NAALADL2: variants seen among roughly 807,000 people sequenced by gnomAD.
NAALADL2 encodes the protein inactive N-acetylated-alpha-linked acidic dipeptidase-like protein 2.
A neutral mutation model predicts 87.2 loss-of-function variants in NAALADL2; 76 were observed. The ratio of observed to expected loss-of-function variants is 0.87; its 90% CI spans 0.72 to 1.05. NAALADL2 has a LOEUF of 1.05. NAALADL2 is among the 50% of genes least tolerant of loss of function. NAALADL2 has a pLI of 0.00. For missense variants in NAALADL2, 1,089 were observed against 945.8 expected (o/e 1.15, Z -1.99); for synonymous variants, 354 against 331.0 (o/e 1.07, Z -0.75).
chr3:174,752,113 G>T (rs1336432760), intron 3 of NAALADL2, among the ~76,000 whole-genome samples: 2 of 151,956 alleles, frequency 1.3e-5, no homozygotes, highest in South Asian at 2.1e-4. Context: ...GAGTAGCTGG[G>T]ACTATAGGCG....
At chr3:175,038,168 G>T (rs937731861) in intron 1 of NAALADL2, among the ~76,000 whole-genome samples, 4 of 151,916 alleles carry the variant, frequency 2.6e-5, no homozygotes, top group African/African-American at 9.7e-5. Flanking sequence ...GAAGTGGAAG[G>T]CTTAACATTT....
chr3:174,685,562 T>C (rs964716190), intron 2 of NAALADL2, among the ~76,000 whole-genome samples: 4 of 152,150 alleles, frequency 2.6e-5, no homozygotes, highest in Non-Finnish European at 4.4e-5. Flanking sequence ...GAACACCTAA[T>C]CTGAGGGTTT....
At chr3:174,804,038 G>A (rs142497587) in intron 3 of NAALADL2, among the ~76,000 whole-genome samples, 175 of 152,200 alleles carry the variant, frequency 1.1e-3, no homozygotes, top group African/African-American at 4.0e-3. Flanking sequence ...GGATAGCATT[G>A]AGTCTATAAA....
chr3:175,262,829 TATG>T (rs1751292492), intron 4 of NAALADL2, among the ~76,000 whole-genome samples: 1 of 151,972 alleles, frequency 6.6e-6, no homozygotes, highest in Non-Finnish European at 1.5e-5. Context: ...TGTTTTTACA[TATG>T]ATCTGTATAG....
chr3:174,884,985 A>G (rs1481372003), intron 1 of NAALADL2, among the ~76,000 whole-genome samples: 3 of 152,086 alleles, frequency 2.0e-5, no homozygotes, highest in African/African-American at 7.2e-5. Flanking sequence ...CACAGTGTTT[A>G]TCTCCTCAGT....
At chr3:175,346,767 C>G (rs557675112) in intron 5 of NAALADL2, among the ~76,000 whole-genome samples, 3 of 152,182 alleles carry the variant, frequency 2.0e-5, no homozygotes, top group Non-Finnish European at 4.4e-5. Flanking sequence ...GGTTAAACGA[C>G]TTGCTGGAGC....
At chr3:175,695,651 A>G (rs1247411668) in intron 11 of NAALADL2, among the ~76,000 whole-genome samples, 1 of 152,140 alleles carries the variant, frequency 6.6e-6, no homozygotes, top group African/African-American at 2.4e-5. Flanking sequence ...CATCCTTTTC[A>G]GATAACAGTA....
intron 2 of NAALADL2, among the ~76,000 whole-genome samples, chr3:174,611,030 T>C (rs1446505653): frequency 6.6e-6 from 1 of 151,726 alleles, no homozygotes; most frequent in Non-Finnish European, 1.5e-5. Flanking sequence ...ATGGATGAAA[T>C]TGGAAATCAT....
chr3:175,471,500 AG>A, intron 8 of NAALADL2, 138 bp from the exon 9 acceptor site: 1 of 518,462 alleles, frequency 1.9e-6, no homozygotes. Context: ...AAAGAAAGAA[AG>A]AAAAAAAAAA....
chr3:174,858,485 C>T (rs956525145), upstream of NAALADL2, among the ~76,000 whole-genome samples: 2 of 151,966 alleles, frequency 1.3e-5, no homozygotes, highest in Non-Finnish European at 2.9e-5. Flanking sequence ...TGCTTCTATT[C>T]AAAAGGCAAT....
At chr3:175,337,015 C>G (rs966648954) in intron 5 of NAALADL2, among the ~76,000 whole-genome samples, 1 of 151,822 alleles carries the variant, frequency 6.6e-6, no homozygotes, top group Non-Finnish European at 1.5e-5. Context: ...TAGAATACAT[C>G]TCATTGAAAT....
chr3:174,856,142 A>G (rs1725845138), upstream of NAALADL2, among the ~76,000 whole-genome samples: 1 of 151,920 alleles, frequency 6.6e-6, no homozygotes, highest in Non-Finnish European at 1.5e-5. Context: ...GAGTAGGTGT[A>G]CTACAGGCAC....
chr3:175,326,889 C>G (rs1414346112), intron 5 of NAALADL2, among the ~76,000 whole-genome samples: 3 of 152,098 alleles, frequency 2.0e-5, no homozygotes, highest in African/African-American at 7.2e-5. Context: ...GATCAAGTTT[C>G]CAACACATGA....
intron 2 of NAALADL2, among the ~76,000 whole-genome samples, chr3:175,187,754 C>A (rs1461742989): frequency 6.7e-6 from 1 of 148,396 alleles, no homozygotes; most frequent in Non-Finnish European, 1.5e-5. Context: ...AATATGGAAC[C>A]ACTCAGAAAG....
At chr3:174,640,586 A>G (rs1418078854) in intron 2 of NAALADL2, among the ~76,000 whole-genome samples, 1 of 152,182 alleles carries the variant, frequency 6.6e-6, no homozygotes, top group African/African-American at 2.4e-5. Flanking sequence ...CCAAGCCGGT[A>G]AGGTACTTGC....
At chr3:174,637,329 T>G (rs1272170846) in intron 2 of NAALADL2, among the ~76,000 whole-genome samples, 1 of 152,074 alleles carries the variant, frequency 6.6e-6, no homozygotes, top group Admixed American at 6.6e-5. Flanking sequence ...GAGAGGACTT[T>G]AAATGTTCTC....
intron 1 of NAALADL2, among the ~76,000 whole-genome samples, chr3:174,926,499 T>C (rs1231884281): frequency 6.6e-6 from 1 of 152,060 alleles, no homozygotes; most frequent in African/African-American, 2.4e-5. Context: ...AGACTAACAG[T>C]AGATCTCTCG....
At chr3:175,513,363 G>A (rs955524831) in intron 9 of NAALADL2, among the ~76,000 whole-genome samples, 6 of 152,080 alleles carry the variant, frequency 3.9e-5, no homozygotes, top group Admixed American at 3.3e-4. Context: ...AGTCATACTA[G>A]CCACTTTTTG....
At chr3:174,890,265 T>C (rs1730709874) in intron 1 of NAALADL2, among the ~76,000 whole-genome samples, 3 of 152,290 alleles carry the variant, frequency 2.0e-5, no homozygotes, top group African/African-American at 7.2e-5. Context: ...AAATTTGAAA[T>C]GGAGAATCTC....
Sources: gnomAD v4.1 joint callset for allele counts (sites outside exome capture counted in the v4.1 genomes callset) on GRCh38, gnomAD v4.1.1 for gene constraint, MANE v1.5 for transcripts, NCBI Gene and HGNC (gene_info 2026-07-23, HGNC 2026-07-21) for gene names.